AXDND1: variants seen among roughly 807,000 people sequenced by gnomAD.
AXDND1 encodes the protein axonemal dynein light chain domain containing 1, also known as axonemal dynein light chain domain-containing protein 1.
Under a neutral mutation model 137.5 loss-of-function variants are expected in AXDND1, and 110 were observed. The observed-to-expected ratio is 0.80, with a 90% confidence interval of 0.69 to 0.94. The LOEUF (loss-of-function observed/expected upper bound fraction) is 0.94, where lower values mean the gene tolerates loss of function less well. AXDND1 is among the 40% of genes least tolerant of loss of function. AXDND1 has a pLI of 0.00. For synonymous variants in AXDND1, 414 were observed against 399.7 expected (o/e 1.04, Z -0.43); for missense variants, 1,191 against 1,169.8 (o/e 1.02, Z -0.26).
intron 16 of AXDND1, among the ~76,000 whole-genome samples, chr1:179,463,107 G>A (rs1662598202): frequency 6.6e-6 from 1 of 152,046 alleles, no homozygotes; most frequent in Non-Finnish European, 1.5e-5. Context: ...GGTTTTTTGT[G>A]TCTCTATCTC....
chr1:179,433,048 G>T (rs1207897659), intron 15 of AXDND1, among the ~76,000 whole-genome samples: 1 of 152,080 alleles, frequency 6.6e-6, no homozygotes, highest in Non-Finnish European at 1.5e-5. Context: ...AAGAAATCAG[G>T]AATTTGTTAT....
intron 17 of AXDND1, among the ~76,000 whole-genome samples, chr1:179,469,527 A>T (rs1663668136): frequency 6.6e-6 from 1 of 152,166 alleles, no homozygotes; most frequent in South Asian, 2.1e-4. Flanking sequence ...TTGGGTATAT[A>T]TCACCTAAGG....
intron 15 of AXDND1, among the ~76,000 whole-genome samples, chr1:179,432,924 A>G (rs564154283): frequency 6.6e-6 from 1 of 152,194 alleles, no homozygotes; most frequent in Admixed American, 6.5e-5. Flanking sequence ...ATGCAATGTT[A>G]AGTTTTATGA....
At chr1:179,408,968 C>CTTTTTTT (rs74384865) in intron 11 of AXDND1, among the ~76,000 whole-genome samples, 35 of 126,380 alleles carry the variant, frequency 2.8e-4, no homozygotes, top group Non-Finnish European at 4.8e-4. Context: ...TTTTTTCTTT[C>CTTTTTTT]TTTTTTTTTT....
intron 21 of AXDND1, among the ~76,000 whole-genome samples, chr1:179,514,496 C>G (rs1669340697): frequency 6.6e-6 from 1 of 152,022 alleles, no homozygotes; most frequent in Non-Finnish European, 1.5e-5. Context: ...CATGGTCTAT[C>G]TTGGAGAAGG....
intron 16 of AXDND1, chr1:179,454,356 G>A (rs10913775): frequency 0.37 from 55,616 of 151,162 alleles, 10,575 homozygotes; most frequent in East Asian, 0.51. Context: ...TTCTGCTATG[G>A]TTGTGAGGCC....
At chr1:179,411,337 GT>G (rs5779024) in intron 12 of AXDND1, 71 bp downstream of exon 12, 1,038,919 of 1,552,440 alleles carry the variant, frequency 0.67, 350,179 homozygotes, top group Admixed American at 0.69. Flanking sequence ...TTTAAAATTT[GT>G]TTTTTTTGTT....
chr1:179,404,884 G>C (rs888824412), intron 11 of AXDND1, among the ~76,000 whole-genome samples: 2 of 148,830 alleles, frequency 1.3e-5, no homozygotes, highest in African/African-American at 4.9e-5. Context: ...ATTTGGTCTT[G>C]GGCTTTGCTT....
intron 4 of AXDND1, among the ~76,000 whole-genome samples, chr1:179,373,856 C>T (rs1015760840): frequency 1.3e-5 from 2 of 152,134 alleles, no homozygotes; most frequent in African/African-American, 4.8e-5. Flanking sequence ...AAATGTTAGA[C>T]CTAAAACCAT....
chr1:179,489,075 C>T (rs1186353166), intron 18 of AXDND1, among the ~76,000 whole-genome samples: 1 of 127,414 alleles, frequency 7.8e-6, no homozygotes, highest in Non-Finnish European at 1.7e-5. Context: ...TAATTACTCA[C>T]TTGTTATCCC....
intron 24 of AXDND1, 120 bp downstream of exon 24, chr1:179,533,997 G>A (rs1415567970): frequency 2.7e-6 from 2 of 739,552 alleles, no homozygotes; most frequent in African/African-American, 1.7e-5. Flanking sequence ...CACATTAGGG[G>A]GATGTGTATC....
intron 7 of AXDND1, 133 bp from the exon 8 acceptor site, chr1:179,383,309 G>T (rs548867322): frequency 1.4e-5 from 9 of 659,130 alleles, no homozygotes; most frequent in Admixed American, 7.7e-5. Context: ...ATAGACACAG[G>T]TCTAATGCTT....
intron 25 of AXDND1, among the ~76,000 whole-genome samples, chr1:179,540,714 G>A (rs1029867698): frequency 5.9e-5 from 9 of 152,198 alleles, no homozygotes; most frequent in East Asian, 5.8e-4. Context: ...ATCAGAGCTC[G>A]ATCGCCATGC....
At chr1:179,456,846 T>G (rs1661481332) in intron 16 of AXDND1, 1 of 821,558 alleles carries the variant, frequency 1.2e-6, no homozygotes, top group Non-Finnish European at 2.1e-6. Flanking sequence ...ATGCTATTTC[T>G]GAATGACAGT....
chr1:179,487,218 A>T (rs534442095), intron 18 of AXDND1, among the ~76,000 whole-genome samples: 1 of 148,638 alleles, frequency 6.7e-6, no homozygotes, highest in Non-Finnish European at 1.5e-5. Flanking sequence ...CCATGTTCTT[A>T]TCTCCAGTTT....
intron 9 of AXDND1, among the ~76,000 whole-genome samples, chr1:179,386,632 A>C (rs898767473): frequency 6.6e-6 from 1 of 152,138 alleles, no homozygotes; most frequent in East Asian, 1.9e-4. Flanking sequence ...ATTTGTCTTC[A>C]TTTTGGATAG....
chr1:179,417,257 G>A (rs1444679979), intron 12 of AXDND1, among the ~76,000 whole-genome samples: 2 of 150,642 alleles, frequency 1.3e-5, no homozygotes, highest in African/African-American at 4.9e-5. Context: ...TCCCTTATCA[G>A]ATAGATAGTT....
intron 23 of AXDND1, among the ~76,000 whole-genome samples, 160 bp downstream of exon 23, chr1:179,528,591 C>A (rs1290486626): frequency 1.3e-5 from 2 of 149,724 alleles, no homozygotes; most frequent in Non-Finnish European, 3.0e-5. Context: ...TGGAAAACTC[C>A]TTTTTTCACC....
At position 179,366,447 on chromosome 1, in the gene AXDND1, G is replaced by A; in HGVS notation, c.-63G>A. 1 of 1,367,566 alleles carries A rather than the reference G, an allele frequency of 7.3e-7. No individual in the cohort carries two copies. Among genetic ancestry groups the A allele is most frequent in the Non-Finnish European group, 1.0e-6 (1 of 961,504 alleles). 84.7% of individuals were successfully genotyped at this position (1,367,566 alleles called of 1,614,324 possible). On this transcript the variant is annotated 5_prime_UTR_variant, in exon 2 of 26. Coordinates refer to ENST00000367618, the MANE Select transcript of AXDND1 (RefSeq NM_144696.6). The stretch of plus-strand genomic sequence containing the variant: ...AAGTCCCAGTGCGGCGCTGATTTGT[G>A]TCTAAATTAGCTTTCCGGAGGACTA...
Sources: gnomAD v4.1 joint callset for allele counts (sites outside exome capture counted in the v4.1 genomes callset) on GRCh38, gnomAD v4.1.1 for gene constraint, MANE v1.5 for transcripts, NCBI Gene and HGNC (gene_info 2026-07-23, HGNC 2026-07-21) for gene names.